DRICH1: variants seen among roughly 807,000 people sequenced by gnomAD.
The protein encoded by DRICH1 is aspartate-rich protein 1.
In DRICH1, 38 loss-of-function variants were observed where a neutral mutation model predicts 39.5. That is an observed-to-expected ratio of 0.96 (90% CI 0.74 to 1.26). DRICH1 has a LOEUF of 1.26. Among genes scored for constraint, DRICH1 ranks in the 50% most tolerant of loss-of-function variants. The pLI, the probability that DRICH1 is intolerant of heterozygous loss-of-function variation, is 0.00. For missense variants in DRICH1, 279 were observed against 270.4 expected (o/e 1.03, Z -0.22); for synonymous variants, 84 against 99.5 (o/e 0.84, Z 0.93).
chr22:23,626,208 C>T (rs1399016878), intron 1 of DRICH1, among the ~76,000 whole-genome samples, 160 bp from the exon 2 acceptor site: 1 of 152,136 alleles, frequency 6.6e-6, no homozygotes, highest in Non-Finnish European at 1.5e-5. Flanking sequence ...GGGAGTCTCA[C>T]CAGATACCTT....
In DRICH1 at chr22:23,627,188, T is replaced by C. The variant is rs554350324; in HGVS notation, c.209-1140A>G. 5.3e-5 allele frequency among the ~76,000 whole-genome samples: 8 copies of C among 151,214 alleles called. No homozygotes were observed. The South Asian group carries it at 1.7e-3, about 32-fold the overall frequency. Reference sequence around the variant, plus strand: ...CCCAGGTTCAGGTGATTCTCCTGCCTCAGTTTCCCAAGTAGCTGGGATTAC... The same window carrying C: ...CCCAGGTTCAGGTGATTCTCCTGCCCCAGTTTCCCAAGTAGCTGGGATTAC... On this transcript the variant is annotated intron_variant, in intron 1 of 11. Transcript: ENST00000317749.
rs376290792 is a variant in DRICH1 at position 23,608,715 on chromosome 22, G to T, written c.*49C>A. ...CAAAGCTGGGGACCCTGCAGCACGCGCTGGCCTGCCCTTTGGGTCAGCACC... is the reference window on the plus strand; with the variant it reads ...CAAAGCTGGGGACCCTGCAGCACGCTCTGGCCTGCCCTTTGGGTCAGCACC... On this transcript the variant is annotated 3_prime_UTR_variant, in exon 12 of 12. Coordinates refer to ENST00000317749, the MANE Select transcript of DRICH1 (RefSeq NM_016449.4). 6 of 1,547,964 alleles carry T rather than the reference G, an allele frequency of 3.9e-6. No homozygotes were observed. The highest frequency in any genetic ancestry group is 5.2e-6 in the Non-Finnish European group (6 of 1,143,612).
chr22:23,581,955 A>G, the DRICH1 span, among the ~76,000 whole-genome samples: 20 of 150,854 alleles, frequency 1.3e-4, no homozygotes, highest in African/African-American at 4.9e-4. Flanking sequence ...TACATTCACA[A>G]TGTCGTGCAA....
Position 23,626,009 on chromosome 22 carries a change from G to A in DRICH1, c.248C>T (p.Ser83Leu). The A allele has an allele frequency of 6.2e-7, 1 of 1,613,272 alleles. No homozygotes were observed. Among genetic ancestry groups the A allele is most frequent in the Non-Finnish European group, 8.5e-7 (1 of 1,179,668 alleles). ...GGCATCATCATTGTCTTCCTCACTT[G>A]ATGGCAGAAATTTTAAACTCAGGCG... ...EDRLSLKFLP[S>L]SEEDNDDAKI... The change falls in exon 2 of 12, where the codon TCA becomes TTA. Residue 83 changes from serine to leucine, a missense_variant. By Grantham distance (145) the Ser-to-Leu change is moderately radical. Transcript: ENST00000317749.
chr22:23,631,543 T>C lies in DRICH1; in HGVS notation c.208+273A>G, dbSNP rs1158391103. On this transcript the variant is annotated intron_variant, in intron 1 of 11. Coordinates refer to ENST00000317749, the MANE Select transcript of DRICH1 (RefSeq NM_016449.4). The stretch of plus-strand genomic sequence containing the variant: ...TCATTTAGGTACCAAACCGGCCAGA[T>C]AGGTGAGGCTAGAGAATGGGATGGG... Among the ~76,000 whole-genome samples the C allele has an allele frequency of 9.2e-5, 14 of 152,260 alleles. No homozygotes were observed. The East Asian group carries it at 1.5e-3, about 17-fold the overall frequency.
At chr22:23,581,959 C>T in the DRICH1 span, among the ~76,000 whole-genome samples, 6 of 151,570 alleles carry the variant, frequency 4.0e-5, no homozygotes, top group African/African-American at 7.3e-5. Context: ...TTCACAATGT[C>T]GTGCAACCAT....
Position 23,617,560 on chromosome 22 carries a change from GA to G in DRICH1, c.519+14del, listed in dbSNP as rs1471416722. 2 of 1,612,644 alleles carry G rather than the reference GA, an allele frequency of 1.2e-6. No individual in the cohort carries two copies. Among genetic ancestry groups the G allele is most frequent in the African/African-American group, 2.7e-5 (2 of 74,798 alleles). Reference sequence around the variant, plus strand: ...AACCAACATTTCCTTAGAAGACAAAGAAAGGTTGTCTTACCTGGGCATCATC... The same window carrying G: ...AACCAACATTTCCTTAGAAGACAAAGAAGGTTGTCTTACCTGGGCATCATC... On this transcript the variant is annotated intron_variant, in intron 7 of 11. Transcript: ENST00000317749.
In DRICH1 at chr22:23,631,952, A is replaced by C. The variant is rs376898674; in HGVS notation, c.72T>G (p.Tyr24Ter). The C allele has an allele frequency of 6.2e-7, 1 of 1,613,818 alleles. No homozygotes were observed. The highest frequency in any genetic ancestry group is 8.5e-7 in the Non-Finnish European group (1 of 1,180,028). ...GWPRGKDAPC[Y>*]ESDTDIYETV... ...TCTCATAAATATCAGTATCAGATTC[A>C]TAACAGGGTGCGTCCTTCCCCCTGG... is the stretch of plus-strand genomic sequence containing the variant. The change falls in exon 1 of 12, where the codon TAT becomes TAG. Residue 24 changes from tyrosine to a stop codon, truncating the protein, a stop_gained. Transcript: ENST00000317749. LOFTEE classifies it high-confidence loss of function.
At chr22:23,599,096 C>T in the DRICH1 span, among the ~76,000 whole-genome samples, 1 of 152,322 alleles carries the variant, frequency 6.6e-6, no homozygotes, top group East Asian at 1.9e-4. Context: ...ATAAATGGTA[C>T]AGGGACAATA....
intron 3 of DRICH1, among the ~76,000 whole-genome samples, chr22:23,622,667 T>TTTAAATGG (rs1927823565): frequency 3.5e-5 from 3 of 85,364 alleles, no homozygotes; most frequent in African/African-American, 1.3e-4. Context: ...CACATTCTTT[T>TTTAAATGG]TCATAGAGAC....
intron 1 of DRICH1, chr22:23,630,865 A>G (rs1928347629): frequency 6.6e-6 from 1 of 152,172 alleles, no homozygotes; most frequent in African/African-American, 2.4e-5. Flanking sequence ...GAAGCAGGGA[A>G]GAGAGTCCCC....
At chr22:23,592,786 G>A in the DRICH1 span, among the ~76,000 whole-genome samples, 3,133 of 151,878 alleles carry the variant, frequency 0.021, 109 homozygotes, top group African/African-American at 0.072. Context: ...GAGGTCAGGA[G>A]TTTGAGACCA....
intron 6 of DRICH1, among the ~76,000 whole-genome samples, 180 bp from the exon 7 acceptor site, chr22:23,617,837 C>T (rs1240369775): frequency 6.6e-6 from 1 of 152,106 alleles, no homozygotes; most frequent in Non-Finnish European, 1.5e-5. Flanking sequence ...TGGCCTTGTA[C>T]TAGAGGCATC....
chr22:23,593,672 G>A, the DRICH1 span, among the ~76,000 whole-genome samples: 1 of 143,084 alleles, frequency 7.0e-6, no homozygotes, highest in Non-Finnish European at 1.5e-5. Context: ...GATGTCGCGC[G>A]CCTGTAGTCC....
chr22:23,631,943 A>G lies in DRICH1; in HGVS notation c.81T>C (p.Asp27=). The change falls in exon 1 of 12, where the codon GAT becomes GAC. Residue 27 remains aspartate (D), a synonymous_variant. Coordinates refer to ENST00000317749, the MANE Select transcript of DRICH1 (RefSeq NM_016449.4). ...CAGCCACAGTCTCATAAATATCAGT[A>G]TCAGATTCATAACAGGGTGCGTCCT... ...RGKDAPCYES[D]TDIYETVAAA... is the part of the protein sequence containing the mutation. The G allele has an allele frequency of 1.2e-6, 2 of 1,613,824 alleles. No individual in the cohort carries two copies. The highest frequency in any genetic ancestry group is 1.1e-5 in the South Asian group (1 of 91,054).
chr22:23,620,470 A>C, intron 5 of DRICH1, 124 bp downstream of exon 5: 1 of 1,111,948 alleles, frequency 9.0e-7, no homozygotes, highest in Non-Finnish European at 1.4e-6. Flanking sequence ...ATAGTTATAC[A>C]CTTGCAGAAT....
downstream of DRICH1, among the ~76,000 whole-genome samples, chr22:23,604,094 C>G (rs1257323382): frequency 6.6e-6 from 1 of 152,140 alleles, no homozygotes; most frequent in Non-Finnish European, 1.5e-5. Context: ...CATGGGGTGT[C>G]TCTAGTTCTG....
chr22:23,583,173 A>T, the DRICH1 span: 1 of 152,186 alleles, frequency 6.6e-6, no homozygotes, highest in Non-Finnish European at 1.5e-5. Flanking sequence ...TGGAAGATCT[A>T]CTTCTTGCTG....
At chr22:23,619,514 C>A (rs920242126) in intron 5 of DRICH1, 121 bp from the exon 6 acceptor site, 4 of 709,358 alleles carry the variant, frequency 5.6e-6, no homozygotes, top group African/African-American at 1.8e-5. Context: ...TTGAAATCTA[C>A]AAAAAACAGA....
Sources: allele counts gnomAD v4.1 joint callset (sites outside exome capture counted in the v4.1 genomes callset), GRCh38; gene constraint gnomAD v4.1.1; transcripts MANE v1.5; gene names NCBI Gene and HGNC (gene_info 2026-07-23, HGNC 2026-07-21).